Variants in ADGRV1 observed in about 807,000 individuals in gnomAD.
ADGRV1 encodes the protein G-protein coupled receptor 98.
Under a neutral mutation model 596.2 loss-of-function variants are expected in ADGRV1, and 359 were observed. That is an observed-to-expected ratio of 0.60 (90% CI 0.55 to 0.66). ADGRV1 has a LOEUF of 0.66. Ranked by LOEUF, ADGRV1 falls within the 30% of genes least tolerant of loss-of-function variation. ADGRV1 has a pLI of 0.00. For synonymous variants in ADGRV1, 2,681 were observed against 2,679.2 expected, an observed-to-expected ratio of 1.00 and a Z score of -0.02; for missense variants, 7,274 against 7,575.6, an observed-to-expected ratio of 0.96 and a Z score of 1.48.
At position 90,854,088 on chromosome 5, in the gene ADGRV1, G is replaced by C; in HGVS notation, c.17481G>C (p.Gln5827His). ...NKVLSLSVKGQSSQLLTNDNE... is the reference protein window; with the variant it reads ...NKVLSLSVKGHSSQLLTNDNE... Reference sequence around the variant, plus strand: ...TATTATCTTTGAGTGTGAAAGGTCAGAGTTCACAACTCCTGACTAATGACA... The same window carrying C: ...TATTATCTTTGAGTGTGAAAGGTCACAGTTCACAACTCCTGACTAATGACA... Residue 5827 changes from glutamine to histidine, a missense_variant, in exon 81 of 90, where the codon CAG becomes CAC. Gln to His is a conservative substitution (Grantham distance 24). Coordinates refer to ENST00000405460, the MANE Select transcript of ADGRV1 (RefSeq NM_032119.4). The C allele has an allele frequency of 6.3e-7, 1 of 1,586,002 alleles. No homozygotes were observed.
At chr5:90,905,571 A>G (rs945365709) in intron 83 of ADGRV1, among the ~76,000 whole-genome samples, 4 of 152,100 alleles carry the variant, frequency 2.6e-5, no homozygotes, top group Non-Finnish European at 5.9e-5. Context: ...TGATTTTTGT[A>G]TGATGATTTT....
chr5:91,134,057 T>G (rs1002977287), intron 87 of ADGRV1, among the ~76,000 whole-genome samples: 1 of 152,230 alleles, frequency 6.6e-6, no homozygotes, highest in Non-Finnish European at 1.5e-5. Flanking sequence ...GTAAAATCTG[T>G]AAGGAAGAGG....
At chr5:91,147,667 A>G (rs1484360065) in intron 87 of ADGRV1, among the ~76,000 whole-genome samples, 1 of 152,134 alleles carries the variant, frequency 6.6e-6, no homozygotes, top group Non-Finnish European at 1.5e-5. Flanking sequence ...TCTTTTCTTT[A>G]TAAATTACCC....
chr5:90,707,099 C>T (rs10054261), intron 38 of ADGRV1, among the ~76,000 whole-genome samples: 2,604 of 152,042 alleles, frequency 0.017, 65 homozygotes, highest in African/African-American at 0.06. Context: ...GGTAGTAGGA[C>T]CACTTAAATT....
In ADGRV1 at chr5:90,766,094, T is replaced by TA. The variant is rs368429492; in HGVS notation, c.12285+2625_12285+2626insA. Among the ~76,000 whole-genome samples the TA allele has an allele frequency of 2.4e-3, 371 of 151,998 alleles. 4 individuals are homozygous for TA. The highest frequency in any genetic ancestry group is 0.012 in the East Asian group (63 of 5,160). On this transcript the variant is annotated intron_variant, in intron 59 of 89. Transcript: ENST00000405460. ...CTGGCTAATTTTTTGTATTTTTTAGTGAGACAGGGTTTCACTGTGTTAGCC... is the reference window on the plus strand; with the variant it reads ...CTGGCTAATTTTTTGTATTTTTTAGTAGAGACAGGGTTTCACTGTGTTAGCC...
At position 90,783,949 on chromosome 5, in the gene ADGRV1, A is replaced by T. The variant is rs755055688; in HGVS notation, c.13545A>T (p.Gly4515=). 6.2e-7 allele frequency: 1 copy of T among 1,612,224 alleles called. No homozygotes were observed. Among genetic ancestry groups the T allele is most frequent in the Non-Finnish European group, 8.5e-7 (1 of 1,179,180 alleles). Reference sequence around the variant, plus strand: ...TAGCTAAGAGTGACTCTCCCTTTGGAGTTATAAGGTTTCTCAATCAAAGCA... The same window carrying T: ...TAGCTAAGAGTGACTCTCCCTTTGGTGTTATAAGGTTTCTCAATCAAAGCA... ...IIIAKSDSPF[G]VIRFLNQSKI... The change falls in exon 67 of 90, where the codon GGA becomes GGT. Residue 4515 remains glycine (G), a synonymous_variant. Transcript: ENST00000405460.
rs375424468 is a variant in ADGRV1, at chr5:90,724,813, C to A, written c.9749-19C>A. On this transcript the variant is annotated intron_variant, in intron 45 of 89. Coordinates refer to ENST00000405460, the MANE Select transcript of ADGRV1 (RefSeq NM_032119.4). ...TTGAAGGAGTAATAAACTAGTAAAC[C>A]ATGATTTGTGTTTTTCAGGGGGAAT... The A allele has an allele frequency of 9.5e-5, 153 of 1,610,134 alleles. No homozygotes were observed. Among genetic ancestry groups the A allele is most frequent in the Non-Finnish European group, 1.2e-4 (141 of 1,177,378 alleles).
intron 82 of ADGRV1, among the ~76,000 whole-genome samples, chr5:90,857,797 T>A (rs1260500673): frequency 1.3e-5 from 2 of 152,160 alleles, no homozygotes; most frequent in Admixed American, 1.3e-4. Flanking sequence ...ATATCTTACA[T>A]ACATATTCTT....
chr5:90,956,849 G>A (rs917966145), intron 83 of ADGRV1, among the ~76,000 whole-genome samples: 4 of 152,148 alleles, frequency 2.6e-5, no homozygotes, highest in Non-Finnish European at 5.9e-5. Context: ...TGAATCTGTT[G>A]TATCTTAGGC....
intron 9 of ADGRV1, among the ~76,000 whole-genome samples, chr5:90,632,079 G>C (rs951486578): frequency 6.6e-6 from 1 of 152,128 alleles, no homozygotes; most frequent in Non-Finnish European, 1.5e-5. Context: ...CTTCTCTGCT[G>C]TCAGTGTCCT....
intron 83 of ADGRV1, among the ~76,000 whole-genome samples, chr5:90,887,947 A>G (rs556543626): frequency 6.6e-6 from 1 of 152,268 alleles, no homozygotes; most frequent in South Asian, 2.1e-4. Flanking sequence ...TGGAAAAAGA[A>G]CACAGGGTTG....
At chr5:91,044,657 CT>C (rs1478267218) in intron 85 of ADGRV1, among the ~76,000 whole-genome samples, 4 of 152,050 alleles carry the variant, frequency 2.6e-5, no homozygotes, top group Admixed American at 6.6e-5. Context: ...ATTGCACTTG[CT>C]TTGATACTGT....
chr5:90,934,553 T>G (rs1033634597), intron 83 of ADGRV1, among the ~76,000 whole-genome samples: 1 of 152,184 alleles, frequency 6.6e-6, no homozygotes, highest in African/African-American at 2.4e-5. Context: ...GCGTTTTGTT[T>G]GTGTCCTCCA....
chr5:90,667,998 C>T (rs946848987), intron 21 of ADGRV1, among the ~76,000 whole-genome samples: 1 of 151,804 alleles, frequency 6.6e-6, no homozygotes, highest in East Asian at 1.9e-4. Context: ...CTGGGAGAAC[C>T]ACTGCTCTCT....
intron 29 of ADGRV1, among the ~76,000 whole-genome samples, chr5:90,688,946 T>G (rs1186704006): frequency 1.3e-5 from 2 of 152,188 alleles, no homozygotes; most frequent in East Asian, 3.8e-4. Flanking sequence ...ATTAACTATT[T>G]TATATATAAG....
intron 32 of ADGRV1, among the ~76,000 whole-genome samples, chr5:90,693,120 A>G (rs1746699647): frequency 1.5e-5 from 2 of 130,344 alleles, no homozygotes; most frequent in South Asian, 5.0e-4. Context: ...TGTATGAAGG[A>G]GCTGATTTCC....
chr5:90,561,663 A>C (rs1419507288), intron 1 of ADGRV1, among the ~76,000 whole-genome samples: 1 of 152,158 alleles, frequency 6.6e-6, no homozygotes, highest in East Asian at 1.9e-4. Context: ...TTTGCCTTTG[A>C]TAAGTCATTA....
intron 32 of ADGRV1, 45 bp from the exon 33 acceptor site, chr5:90,693,845 C>A (rs1426571967): frequency 1.4e-6 from 2 of 1,395,926 alleles, no homozygotes; most frequent in East Asian, 2.4e-5. Flanking sequence ...TTTGTAATTA[C>A]TTTGAGTGCT....
chr5:90,849,349 C>G (rs577572748), intron 79 of ADGRV1, among the ~76,000 whole-genome samples: 1 of 152,190 alleles, frequency 6.6e-6, no homozygotes, highest in South Asian at 2.1e-4. Flanking sequence ...TGTTAACATA[C>G]CTCTATGCTA....
Sources: allele counts gnomAD v4.1 joint callset (sites outside exome capture counted in the v4.1 genomes callset), GRCh38; gene constraint gnomAD v4.1.1; transcripts MANE v1.5; gene names NCBI Gene and HGNC (gene_info 2026-07-23, HGNC 2026-07-21).